BCL2L13: variants seen among roughly 807,000 people sequenced by gnomAD.
BCL2L13 encodes BCL2 like 13.
In BCL2L13, 13 loss-of-function variants were observed where a neutral mutation model predicts 25.8. The observed-to-expected ratio is 0.50, with a 90% CI of 0.33 to 0.80. The LOEUF (loss-of-function observed/expected upper bound fraction) is 0.80, where lower values mean the gene tolerates loss of function less well. Ranked by LOEUF, BCL2L13 falls within the 30% of genes least tolerant of loss-of-function variation. The probability of loss-of-function intolerance (pLI) is 0.02; values close to 1 mark genes in which losing one functional copy is unlikely to be tolerated. For synonymous variants in BCL2L13, 244 were observed against 230.3 expected (o/e 1.06, Z -0.54); for missense variants, 504 against 574.9 (o/e 0.88, Z 1.26).
chr22:17,719,750 A>T (rs2061050198), intron 6 of BCL2L13, among the ~76,000 whole-genome samples: 1 of 149,756 alleles, frequency 6.7e-6, no homozygotes, highest in Non-Finnish European at 1.5e-5. Flanking sequence ...AATCGCTGGA[A>T]TCCGGGAGGC....
intron 6 of BCL2L13, among the ~76,000 whole-genome samples, chr22:17,724,754 G>T (rs2061247751): frequency 6.6e-6 from 1 of 152,218 alleles, no homozygotes; most frequent in South Asian, 2.1e-4. Flanking sequence ...ATTCCATTCA[G>T]ATTCCCTGTA....
At chr22:17,648,618 T>C (rs1010062622) in intron 1 of BCL2L13, among the ~76,000 whole-genome samples, 1 of 152,158 alleles carries the variant, frequency 6.6e-6, no homozygotes, top group Non-Finnish European at 1.5e-5. Context: ...ATAACAAATA[T>C]GCATTTAAAG....
At chr22:17,656,335 C>CTTTTTTTTT (rs890631679) in intron 2 of BCL2L13, among the ~76,000 whole-genome samples, 907 of 57,916 alleles carry the variant, frequency 0.016, 70 homozygotes, top group East Asian at 0.02. Context: ...TCATTTTATT[C>CTTTTTTTTT]TTTTTTTTTT....
chr22:17,628,926 G>A (rs1014252236), exon 1 of BCL2L13: 1 of 503,720 alleles, frequency 2.0e-6, no homozygotes, highest in South Asian at 2.3e-5. Context: ...TCCTAAACTG[G>A]GATCTTGGGT....
intron 6 of BCL2L13, among the ~76,000 whole-genome samples, chr22:17,717,915 T>C (rs1426264087): frequency 6.6e-6 from 1 of 152,134 alleles, no homozygotes; most frequent in Non-Finnish European, 1.5e-5. Context: ...GGCAAAACAC[T>C]GTCTCTACAA....
At chr22:17,685,760 C>CTTTTTCT (rs1284074134) in intron 3 of BCL2L13, among the ~76,000 whole-genome samples, 6 of 60,520 alleles carry the variant, frequency 9.9e-5, no homozygotes, top group African/African-American at 3.2e-4. Context: ...TTTTCTTTTT[C>CTTTTTCT]TTTTTTTTTT....
chr22:17,729,119 TTACC>T lies in BCL2L13; in HGVS notation c.*1590_*1593del, dbSNP rs781594549. On this transcript the variant is annotated 3_prime_UTR_variant, in exon 7 of 7. Transcript: ENST00000317582. ...TCTTGAAATTTATAATAAAAATACT[TTACC>T]TACCCTGATCACCAAAACCTGATGT... 5.9e-5 allele frequency: 9 copies of T among 152,238 alleles called. No homozygotes were observed. The highest frequency in any genetic ancestry group is 1.2e-4 in the Non-Finnish European group (8 of 68,038). The allele number at this position is 152,238 out of a possible 1,614,324, so 9.4% of individuals were successfully genotyped here. A position where few individuals can be genotyped will look rare whatever the true frequency, so the allele number is the denominator to read the frequency against.
At chr22:17,700,947 T>G (rs1213802835) in intron 5 of BCL2L13, among the ~76,000 whole-genome samples, 1 of 152,222 alleles carries the variant, frequency 6.6e-6, no homozygotes, top group African/African-American at 2.4e-5. Context: ...CGTCCCTCAG[T>G]TATTTCCTTG....
intron 6 of BCL2L13, among the ~76,000 whole-genome samples, chr22:17,706,279 G>A (rs9618097): frequency 0.019 from 2,884 of 151,740 alleles, 84 homozygotes; most frequent in African/African-American, 0.067. Flanking sequence ...CAAAGTGCTG[G>A]GATTACAGGC....
upstream of BCL2L13, among the ~76,000 whole-genome samples, chr22:17,636,585 T>C (rs1358263315): frequency 6.6e-6 from 1 of 151,802 alleles, no homozygotes; most frequent in Non-Finnish European, 1.5e-5. Flanking sequence ...GGCCAAGAGT[T>C]GGAGACCAGC....
At chr22:17,651,109 CCTG>C (rs1271986249) in intron 1 of BCL2L13, among the ~76,000 whole-genome samples, 1 of 148,842 alleles carries the variant, frequency 6.7e-6, no homozygotes, top group African/African-American at 2.5e-5. Context: ...AAGCAATTCT[CCTG>C]CCTCAGTCTT....
At chr22:17,714,034 C>T (rs979949558) in intron 6 of BCL2L13, among the ~76,000 whole-genome samples, 12 of 150,562 alleles carry the variant, frequency 8.0e-5, no homozygotes, top group African/African-American at 2.9e-4. Context: ...AGGCTCACAC[C>T]TGTAATCCCA....
chr22:17,679,863 C>T (rs1023775266), intron 2 of BCL2L13, among the ~76,000 whole-genome samples: 3 of 152,060 alleles, frequency 2.0e-5, no homozygotes, highest in Non-Finnish European at 4.4e-5. Context: ...GGTTCTTAGG[C>T]TCCTGTGTAA....
upstream of BCL2L13, among the ~76,000 whole-genome samples, chr22:17,637,595 C>T (rs1266375571): frequency 6.6e-6 from 1 of 151,856 alleles, no homozygotes. Flanking sequence ...CCAGGCAGGT[C>T]TGAAACTCCT....
At position 17,716,690 on chromosome 22, in the gene BCL2L13, C is replaced by T. The variant is rs1469284202; in HGVS notation, c.601-9987C>T. ...TCATTCTAAATATTGTATGAGTTTG[C>T]CGGCTTGCTTTTTAACTGAGTCAGA... On this transcript the variant is annotated intron_variant, in intron 6 of 6. Transcript: ENST00000317582. Among the ~76,000 whole-genome samples the T allele has an allele frequency of 2.2e-4, 34 of 152,310 alleles. 1 individual carries two copies. The highest frequency in any genetic ancestry group is 2.9e-5 in the Non-Finnish European group (2 of 68,028).
chr22:17,680,944 G>A (rs911717209), intron 2 of BCL2L13, among the ~76,000 whole-genome samples: 3 of 152,052 alleles, frequency 2.0e-5, no homozygotes, highest in Non-Finnish European at 2.9e-5. Context: ...TTGGGATGGC[G>A]CTGTAGGGTG....
intron 6 of BCL2L13, among the ~76,000 whole-genome samples, chr22:17,705,131 G>T (rs1479272333): frequency 6.6e-6 from 1 of 151,570 alleles, no homozygotes; most frequent in Non-Finnish European, 1.5e-5. Flanking sequence ...AAATTATCTG[G>T]GTGTGGTGGC....
At position 17,728,070 on chromosome 22, in the gene BCL2L13, C is replaced by T. The variant is rs543863204; in HGVS notation, c.*536C>T. The T allele has an allele frequency of 1.6e-4, 25 of 158,928 alleles. No individual in the cohort carries two copies. Among genetic ancestry groups the T allele is most frequent in the Non-Finnish European group, 2.7e-4 (19 of 71,558 alleles). The allele number at this position is 158,928 out of a possible 1,614,324, so 9.8% of individuals were successfully genotyped here. A position where few individuals can be genotyped will look rare whatever the true frequency, so the allele number is the denominator to read the frequency against. On this transcript the variant is annotated 3_prime_UTR_variant, in exon 7 of 7. Coordinates refer to ENST00000317582, the MANE Select transcript of BCL2L13 (RefSeq NM_015367.4). ...GCTACTGACTTCTTAGCTCTTAATC[C>T]CCTTAGAATTTCATCTTTCTCGATG...
At chr22:17,660,932 A>G (rs1414905800) in intron 2 of BCL2L13, among the ~76,000 whole-genome samples, 1 of 125,712 alleles carries the variant, frequency 8.0e-6, no homozygotes, top group Admixed American at 8.1e-5. Flanking sequence ...CTACAGACGC[A>G]TGCCACCACA....
Sources: allele counts gnomAD v4.1 joint callset (sites outside exome capture counted in the v4.1 genomes callset), GRCh38; gene constraint gnomAD v4.1.1; transcripts MANE v1.5; gene names NCBI Gene and HGNC (gene_info 2026-07-23, HGNC 2026-07-21).